Variants in ADARB2 observed in about 807,000 individuals in gnomAD.
ADARB2 encodes inactive double-stranded RNA-specific editase B2.
ADARB2 carries 25 observed loss-of-function variants against 62.2 expected under a neutral mutation model. The observed-to-expected ratio is 0.40, with a 90% CI of 0.29 to 0.56. ADARB2 has a LOEUF of 0.56. Among genes scored for constraint, ADARB2 ranks in the 20% least tolerant of loss-of-function variants. The probability of loss-of-function intolerance (pLI) is 0.43; values close to 1 mark genes in which losing one functional copy is unlikely to be tolerated. For synonymous variants in ADARB2, 572 were observed against 500.8 expected, an observed-to-expected ratio of 1.14 and a Z score of -1.90; for missense variants, 1,071 against 1,077.4, an observed-to-expected ratio of 0.99 and a Z score of 0.08.
At chr10:1,286,359 A>G (rs1285026754) in intron 3 of ADARB2, among the ~76,000 whole-genome samples, 1 of 152,222 alleles carries the variant, frequency 6.6e-6, no homozygotes, top group African/African-American at 2.4e-5. Flanking sequence ...TGGAAGAGGC[A>G]GTCTCTATGT....
chr10:1,280,133 C>G (rs185025139), intron 3 of ADARB2, among the ~76,000 whole-genome samples: 47 of 152,316 alleles, frequency 3.1e-4, no homozygotes, highest in African/African-American at 1.1e-3. Flanking sequence ...TACAAGAACA[C>G]TAATCCCATC....
intron 4 of ADARB2, among the ~76,000 whole-genome samples, chr10:1,270,257 G>A (rs1197793010): frequency 6.6e-6 from 1 of 152,170 alleles, no homozygotes; most frequent in East Asian, 1.9e-4. Context: ...GATTTTGCCG[G>A]CACATGCAGA....
At chr10:1,382,180 C>G (rs1026858322) in intron 1 of ADARB2, among the ~76,000 whole-genome samples, 13 of 152,054 alleles carry the variant, frequency 8.5e-5, no homozygotes, top group Admixed American at 5.9e-4. Context: ...AAAACAAAAT[C>G]AAATGTAACT....
chr10:1,475,459 G>T (rs1294528589), intron 1 of ADARB2, among the ~76,000 whole-genome samples: 13 of 152,184 alleles, frequency 8.5e-5, no homozygotes, highest in Non-Finnish European at 2.9e-5. Context: ...CCTCCTCTGT[G>T]GGGAGGGGAC....
chr10:1,435,483 C>CGG (rs1830825531), intron 1 of ADARB2, among the ~76,000 whole-genome samples: 1 of 152,128 alleles, frequency 6.6e-6, no homozygotes, highest in African/African-American at 2.4e-5. Context: ...TCCTTCTGCG[C>CGG]AAGGACCATT....
chr10:1,241,070 A>G (rs1449872964), intron 5 of ADARB2, among the ~76,000 whole-genome samples: 2 of 152,086 alleles, frequency 1.3e-5, no homozygotes, highest in South Asian at 4.1e-4. Flanking sequence ...TAGGAGTTTG[A>G]CAACGTGATG....
intron 1 of ADARB2, among the ~76,000 whole-genome samples, chr10:1,599,216 G>A (rs1009560866): frequency 6.6e-6 from 1 of 152,314 alleles, no homozygotes; most frequent in East Asian, 1.9e-4. Flanking sequence ...AGAGTTTCAG[G>A]GGCTGAGGGG....
At chr10:1,317,987 G>T (rs1831756144) in intron 3 of ADARB2, among the ~76,000 whole-genome samples, 1 of 152,180 alleles carries the variant, frequency 6.6e-6, no homozygotes, top group Non-Finnish European at 1.5e-5. Context: ...GTAACTGCTG[G>T]ACCCTGATCT....
At chr10:1,646,888 AGTGCCTGC>A (rs776573999) in intron 1 of ADARB2, among the ~76,000 whole-genome samples, 1 of 152,240 alleles carries the variant, frequency 6.6e-6, no homozygotes, top group Non-Finnish European at 1.5e-5. Flanking sequence ...CAGTCTTGCC[AGTGCCTGC>A]GTGCCTGCGA....
chr10:1,493,729 C>CTTTTTTTT lies in ADARB2; in HGVS notation c.101-114577_101-114570dup, dbSNP rs555812632. Among the ~76,000 whole-genome samples, 43 of 56,840 alleles carry CTTTTTTTT rather than the reference C, an allele frequency of 7.6e-4. 6 individuals carry two copies. The highest frequency in any genetic ancestry group is 2.1e-3 in the East Asian group (4 of 1,940). 37.3% of individuals were successfully genotyped at this position (56,840 alleles called of 152,430 possible). A position where few individuals can be genotyped will look rare whatever the true frequency, so the allele number is the denominator to read the frequency against. On this transcript the variant is annotated intron_variant, in intron 1 of 9. Transcript: ENST00000381312. ...TCTAGGCACAGCATAATATGGCATT[C>CTTTTTTTT]TTTTTTTTTTTTTTTTTTTTTTTTT... is the stretch of plus-strand genomic sequence containing the variant.
chr10:1,193,390 A>G (rs1158594677), intron 8 of ADARB2, among the ~76,000 whole-genome samples: 2 of 152,242 alleles, frequency 1.3e-5, no homozygotes, highest in Non-Finnish European at 2.9e-5. Context: ...TGATAATGAC[A>G]TGACTTTTGG....
chr10:1,448,084 C>A (rs1830993707), intron 1 of ADARB2, among the ~76,000 whole-genome samples: 1 of 152,102 alleles, frequency 6.6e-6, no homozygotes, highest in Non-Finnish European at 1.5e-5. Flanking sequence ...GTATTACAAA[C>A]CTATAGGCTA....
chr10:1,326,298 A>T (rs1000552430), intron 3 of ADARB2, among the ~76,000 whole-genome samples: 3 of 152,214 alleles, frequency 2.0e-5, no homozygotes, highest in African/African-American at 7.2e-5. Context: ...TAACTGACTG[A>T]GTCCCTCACT....
At chr10:1,731,424 T>C (rs960426006) in intron 1 of ADARB2, among the ~76,000 whole-genome samples, 3 of 152,230 alleles carry the variant, frequency 2.0e-5, no homozygotes, top group African/African-American at 7.2e-5. Flanking sequence ...TCCAAGGTCC[T>C]AAATTTCTCA....
At chr10:1,416,929 C>T (rs1345153947) in intron 1 of ADARB2, among the ~76,000 whole-genome samples, 2 of 152,234 alleles carry the variant, frequency 1.3e-5, no homozygotes, top group Non-Finnish European at 2.9e-5. Flanking sequence ...AGCACGGGTC[C>T]CCCTGAAACA....
In ADARB2 at chr10:1,365,661, G is replaced by A. The variant is rs553779935; in HGVS notation, c.188-1744C>T. ...TGTTTTCAGGTAGGTACCATAGGTC[G>A]GTGGTCAGGAGCACAAGCACAGCTC... is the stretch of plus-strand genomic sequence containing the variant. On this transcript the variant is annotated intron_variant, in intron 2 of 9. Coordinates refer to ENST00000381312, the MANE Select transcript of ADARB2 (RefSeq NM_018702.4). Among the ~76,000 whole-genome samples, 23 of 152,266 alleles carry A rather than the reference G, an allele frequency of 1.5e-4. 1 individual carries two copies. Among genetic ancestry groups the A allele is most frequent in the East Asian group, 9.7e-4 (5 of 5,178 alleles).
chr10:1,513,688 C>T lies in ADARB2; in HGVS notation c.101-134528G>A, dbSNP rs1057267522. Among the ~76,000 whole-genome samples, 3 of 152,108 alleles carry T rather than the reference C, an allele frequency of 2.0e-5. No individual in the cohort carries two copies. The South Asian group carries it at 6.2e-4, about 32-fold the overall frequency. ...CCCAGGTGCATGCTCAGAAGCTCAG[C>T]GCCTGTGTGGAGGGACTCAGTGTCA... On this transcript the variant is annotated intron_variant, in intron 1 of 9. Transcript: ENST00000381312.
intron 3 of ADARB2, among the ~76,000 whole-genome samples, chr10:1,275,573 T>G (rs1291964726): frequency 2.0e-5 from 3 of 152,032 alleles, no homozygotes; most frequent in Admixed American, 2.0e-4. Context: ...TAGTTACATA[T>G]GTATACATGT....
chr10:1,694,873 T>C (rs1027562933), intron 1 of ADARB2, among the ~76,000 whole-genome samples: 1 of 151,582 alleles, frequency 6.6e-6, no homozygotes, highest in Non-Finnish European at 1.5e-5. Flanking sequence ...GGCCTGTGGG[T>C]GGGAAGCAGA....
Sources: gnomAD v4.1 joint callset for allele counts (sites outside exome capture counted in the v4.1 genomes callset) on GRCh38, gnomAD v4.1.1 for gene constraint, MANE v1.5 for transcripts, NCBI Gene and HGNC (gene_info 2026-07-23, HGNC 2026-07-21) for gene names.